The following GTSE1 variants were observed in gnomAD, a reference collection of about 807,000 sequenced individuals.
GTSE1 encodes G2 and S phase-expressed protein 1.
GTSE1 carries 52 observed loss-of-function variants against 60.5 expected under a neutral mutation model. That is an observed-to-expected ratio of 0.86 (90% confidence interval 0.69 to 1.08). The LOEUF is 1.08. Ranked by LOEUF, GTSE1 falls within the 50% of genes least tolerant of loss-of-function variation. GTSE1 has a pLI of 0.00. For missense variants in GTSE1, 937 were observed against 961.8 expected (o/e 0.97, Z 0.34); for synonymous variants, 368 against 386.5 (o/e 0.95, Z 0.56).
rs1417004990 is a variant in GTSE1, at chr22:46,297,467, C to G, written c.67C>G (p.Pro23Ala). ...GGCAGGGGACGTGAACATGGATGAC[C>G]CTAAGAAGGAAGGCAAGTCCTTGCT... ...CRAGDVNMDD[P>A]KKEDILLLAD... The change falls in exon 2 of 12, where the codon CCT (proline) becomes GCT (alanine). Residue 23 changes from proline (P) to alanine (A), a missense_variant. Coordinates refer to ENST00000454366, the MANE Select transcript of GTSE1 (RefSeq NM_016426.7). This position sits in a 1 kb window ranked among gnomAD's most constrained non-coding sequence, Gnocchi z 4.9. 2 of 1,611,582 alleles carry G rather than the reference C, an allele frequency of 1.2e-6. No individual in the cohort carries two copies. Among genetic ancestry groups the G allele is most frequent in the African/African-American group, 2.7e-5 (2 of 74,852 alleles).
At chr22:46,311,556 T>G (rs1380185284) in intron 4 of GTSE1, among the ~76,000 whole-genome samples, 1 of 152,268 alleles carries the variant, frequency 6.6e-6, no homozygotes, top group Non-Finnish European at 1.5e-5. Context: ...CTGCTGCGTC[T>G]TTACCACTCT....
At chr22:46,326,711 A>G in intron 9 of GTSE1, 57 bp downstream of exon 9, 1 of 1,191,178 alleles carries the variant, frequency 8.4e-7, no homozygotes, top group Non-Finnish European at 1.2e-6. Context: ...GCTGTCCCAG[A>G]CAGTGACATA....
intron 2 of GTSE1, among the ~76,000 whole-genome samples, chr22:46,305,479 C>G (rs992007793): frequency 6.6e-6 from 1 of 152,044 alleles, no homozygotes; most frequent in Non-Finnish European, 1.5e-5. Flanking sequence ...CGTGGTAGCA[C>G]GTGCCTGTAA....
intron 2 of GTSE1, among the ~76,000 whole-genome samples, chr22:46,306,398 G>C (rs902557239): frequency 4.0e-5 from 6 of 151,810 alleles, no homozygotes; most frequent in Admixed American, 3.3e-4. Context: ...AGCCAGGATG[G>C]TCTTGATCTC....
In GTSE1 at chr22:46,311,886, C is replaced by A. The variant is rs183961875; in HGVS notation, c.763-255C>A. 2.1e-3 allele frequency among the ~76,000 whole-genome samples: 313 copies of A among 152,322 alleles called. 2 individuals carry two copies. Among genetic ancestry groups the A allele is most frequent in the African/African-American group, 7.1e-3 (296 of 41,560 alleles). On this transcript the variant is annotated intron_variant, in intron 4 of 11. Transcript: ENST00000454366. ...GGAATGGCTTTAGAGAACCTCTCTC[C>A]TATTAATGATCTGTGTAGGTATCAT...
At chr22:46,303,368 T>G (rs1037619317) in intron 2 of GTSE1, among the ~76,000 whole-genome samples, 8 of 152,254 alleles carry the variant, frequency 5.3e-5, no homozygotes, top group Admixed American at 5.2e-4. Context: ...TTTGTAGATA[T>G]GAAAGCTGTT....
chr22:46,326,657 A>G lies in GTSE1; in HGVS notation c.1724+3A>G. 1 of 1,589,508 alleles carries G rather than the reference A, an allele frequency of 6.3e-7. No individual in the cohort carries two copies. The highest frequency in any genetic ancestry group is 8.6e-7 in the Non-Finnish European group (1 of 1,163,282). On this transcript the variant is annotated splice_donor_region_variant and intron_variant, in intron 9 of 11. Transcript: ENST00000454366. ...CCCCGCAAGAACTCTGCAATGAGGT[A>G]AGACACGAAGGTGGTAATAAATTGG...
rs2077832374 is a variant in GTSE1, at chr22:46,324,444, G to T, written c.1505+1182G>T. Among the ~76,000 whole-genome samples, 1 of 151,982 alleles carries T rather than the reference G, an allele frequency of 6.6e-6. No homozygotes were observed. The highest frequency in any genetic ancestry group is 2.4e-5 in the African/African-American group (1 of 41,350). On this transcript the variant is annotated intron_variant, in intron 8 of 11. Coordinates refer to ENST00000454366, the MANE Select transcript of GTSE1 (RefSeq NM_016426.7). This position sits in a 1 kb window ranked among gnomAD's most constrained non-coding sequence, Gnocchi z 5.2. Reference sequence around the variant, plus strand: ...GGGCAGTGGCACGATCTCAGCTCATGGTAAGCTCCGCCTCCTGGATTCACG... The same window carrying T: ...GGGCAGTGGCACGATCTCAGCTCATTGTAAGCTCCGCCTCCTGGATTCACG...
At position 46,314,320 on chromosome 22, in the gene GTSE1, A is replaced by AGACACCAGTTTTAAAATAG; in HGVS notation, c.1051+311_1051+329dup. On this transcript the variant is annotated intron_variant, in intron 6 of 11. Coordinates refer to ENST00000454366, the MANE Select transcript of GTSE1 (RefSeq NM_016426.7). The surrounding 1 kb of genome is among the most constrained non-coding windows in gnomAD (Gnocchi z 7.1). ...GAATCACCCTCATGTCCATGTCATG[A>AGACACCAGTTTTAAAATAG]GACACCAGTTTTAAAATAGGACTAT... is the stretch of plus-strand genomic sequence containing the variant. Among the ~76,000 whole-genome samples, 1 of 152,314 alleles carries AGACACCAGTTTTAAAATAG rather than the reference A, an allele frequency of 6.6e-6. No homozygotes were observed. Among genetic ancestry groups the AGACACCAGTTTTAAAATAG allele is most frequent in the Admixed American group, 6.5e-5 (1 of 15,296 alleles).
In GTSE1 at chr22:46,314,105, C is replaced by CT; in HGVS notation, c.1051+94dup. 6.6e-7 allele frequency: 1 copy of CT among 1,518,850 alleles called. No individual in the cohort carries two copies. The highest frequency in any genetic ancestry group is 1.1e-5 in the South Asian group (1 of 88,458). The allele number at this position is 1,518,850 out of a possible 1,614,324, so 94.1% of individuals were successfully genotyped here. A position where few individuals can be genotyped will look rare whatever the true frequency, so the allele number is the denominator to read the frequency against. Reference sequence around the variant, plus strand: ...CTTGGAGACTGTTTCTGCAGAACCACTTAGGCTTGGCAGGACGTCCCGGAG... The same window carrying CT: ...CTTGGAGACTGTTTCTGCAGAACCACTTTAGGCTTGGCAGGACGTCCCGGAG... On this transcript the variant is annotated intron_variant, in intron 6 of 11. Coordinates refer to ENST00000454366, the MANE Select transcript of GTSE1 (RefSeq NM_016426.7). The surrounding 1 kb of genome is among the most constrained non-coding windows in gnomAD (Gnocchi z 7.1).
rs558403830 is a variant in GTSE1, at chr22:46,305,752, C to T, written c.80-2398C>T. On this transcript the variant is annotated intron_variant, in intron 2 of 11. Coordinates refer to ENST00000454366, the MANE Select transcript of GTSE1 (RefSeq NM_016426.7). ...TGAAACCGCATCTCTACTAAAAATA[C>T]GAAAATTAGCCCGGTGTGGTGGCGC... Among the ~76,000 whole-genome samples the T allele has an allele frequency of 3.7e-4, 55 of 149,536 alleles. 1 individual carries two copies. The highest frequency in any genetic ancestry group is 1.8e-4 in the Non-Finnish European group (12 of 67,360).
rs1256338228 is a variant in GTSE1, at chr22:46,314,045, A to G, written c.1051+32A>G. On this transcript the variant is annotated intron_variant, in intron 6 of 11. Coordinates refer to ENST00000454366, the MANE Select transcript of GTSE1 (RefSeq NM_016426.7). This position sits in a 1 kb window ranked among gnomAD's most constrained non-coding sequence, Gnocchi z 7.1. The stretch of plus-strand genomic sequence containing the variant: ...CAGCCGGCATCATGCTTGGACCCAC[A>G]TCTGGCCAGGTGAGGCCTGGAGTGC... The G allele has an allele frequency of 1.9e-6, 3 of 1,612,144 alleles. No individual in the cohort carries two copies. The highest frequency in any genetic ancestry group is 3.3e-5 in the Admixed American group (2 of 59,982).
At chr22:46,328,665 A>C (rs774355296) in intron 9 of GTSE1, 23 bp from the exon 10 acceptor site, 2 of 1,577,242 alleles carry the variant, frequency 1.3e-6, no homozygotes, top group East Asian at 2.2e-5. Flanking sequence ...ACATTTTCTC[A>C]TAAGTTTTTT....
At chr22:46,315,999 T>C in intron 6 of GTSE1, 33 bp from the exon 7 acceptor site, 1 of 1,464,998 alleles carries the variant, frequency 6.8e-7, no homozygotes, top group Non-Finnish European at 9.1e-7. Context: ...CATACTTTTA[T>C]AATAATGTGA....
Position 46,321,057 on chromosome 22 carries a change from G to C in GTSE1, c.1433-2133G>C, listed in dbSNP as rs940573254. 6.6e-6 allele frequency among the ~76,000 whole-genome samples: 1 copy of C among 151,956 alleles called. No homozygotes were observed. The highest frequency in any genetic ancestry group is 6.6e-5 in the Admixed American group (1 of 15,266). On this transcript the variant is annotated intron_variant, in intron 7 of 11. Transcript: ENST00000454366. The surrounding 1 kb of genome is among the most constrained non-coding windows in gnomAD (Gnocchi z 4.0). ...GGAGGCGGCGAGGGAGAGAGAGGTG[G>C]GCTTGCCTCCACACCCGCCAGGAGT... is the stretch of plus-strand genomic sequence containing the variant.
At chr22:46,311,400 C>T (rs1017879496) in intron 4 of GTSE1, among the ~76,000 whole-genome samples, 8 of 152,212 alleles carry the variant, frequency 5.3e-5, no homozygotes, top group Non-Finnish European at 1.2e-4. Flanking sequence ...TTTTTTGGGA[C>T]ACCACTATAT....
chr22:46,297,504 G>A lies in GTSE1; in HGVS notation c.79+25G>A. On this transcript the variant is annotated intron_variant, in intron 2 of 11. Transcript: ENST00000454366. This position sits in a 1 kb window ranked among gnomAD's most constrained non-coding sequence, Gnocchi z 4.9. ...GGCAAGTCCTTGCTGCTGCGGCGCT[G>A]TTGTTGTTCAGGATGTTCAGTAGAG... The A allele has an allele frequency of 6.5e-7, 1 of 1,539,566 alleles. No homozygotes were observed. Among genetic ancestry groups the A allele is most frequent in the Non-Finnish European group, 9.0e-7 (1 of 1,113,434 alleles).
intron 6 of GTSE1, 114 bp from the exon 7 acceptor site, chr22:46,315,918 G>T: frequency 1.2e-6 from 1 of 835,444 alleles, no homozygotes. Flanking sequence ...ATAGAATATT[G>T]TTAATGTGTC....
chr22:46,315,045 C>G (rs562102888), intron 6 of GTSE1, among the ~76,000 whole-genome samples: 1 of 150,968 alleles, frequency 6.6e-6, no homozygotes, highest in Non-Finnish European at 1.5e-5. Flanking sequence ...CATGCCACCA[C>G]ACCCGGCTAA....
Sources: allele counts gnomAD v4.1 joint callset (sites outside exome capture counted in the v4.1 genomes callset), GRCh38; gene constraint gnomAD v4.1.1; non-coding constraint Gnocchi (gnomAD v3.1); transcripts MANE v1.5; gene names NCBI Gene and HGNC (gene_info 2026-07-23, HGNC 2026-07-21).